The following PRKG2 variants were observed in gnomAD, a reference collection of about 807,000 sequenced individuals.
PRKG2 encodes cGMP-dependent protein kinase 2.
A neutral mutation model predicts 97.2 loss-of-function variants in PRKG2; 33 were observed. The ratio of observed to expected loss-of-function variants is 0.34; its 90% CI spans 0.26 to 0.45. The LOEUF is 0.45. Among genes scored for constraint, PRKG2 ranks in the 20% least tolerant of loss-of-function variants. The pLI is 1.00. For missense variants in PRKG2, 638 were observed against 900.0 expected, an observed-to-expected ratio of 0.71 and a Z score of 3.73; for synonymous variants, 330 against 321.8, an observed-to-expected ratio of 1.03 and a Z score of -0.27.
At chr4:81,160,813 G>A (rs964678712) in intron 6 of PRKG2, among the ~76,000 whole-genome samples, 1 of 152,020 alleles carries the variant, frequency 6.6e-6, no homozygotes, top group African/African-American at 2.4e-5. Flanking sequence ...TTCTTGAGGA[G>A]GGAAAAGTAA....
intron 6 of PRKG2, among the ~76,000 whole-genome samples, chr4:81,158,210 C>A (rs896072848): frequency 6.7e-6 from 1 of 148,330 alleles, no homozygotes; most frequent in African/African-American, 2.6e-5. Flanking sequence ...TCTCCTTAAG[C>A]TGATAAGCAA....
intron 8 of PRKG2, among the ~76,000 whole-genome samples, chr4:81,149,973 T>C (rs1748221328): frequency 6.6e-6 from 1 of 152,154 alleles, no homozygotes; most frequent in African/African-American, 2.4e-5. Context: ...TAACTCACTG[T>C]CCCTCCCAAG....
chr4:81,126,865 CTTAG>C lies in PRKG2; in HGVS notation c.1776+8286_1776+8289del, dbSNP rs577339272. Among the ~76,000 whole-genome samples, 295 of 152,188 alleles carry C rather than the reference CTTAG, an allele frequency of 1.9e-3. 2 individuals are homozygous for C. Among genetic ancestry groups the C allele is most frequent in the African/African-American group, 7.0e-3 (289 of 41,530 alleles). ...AGTTTGTTTTGCTGTGCAGAAGCTCCTTAGTTAAATTAGATCCCATTTGTCAATT... is the reference window on the plus strand; with the variant it reads ...AGTTTGTTTTGCTGTGCAGAAGCTCCTTAAATTAGATCCCATTTGTCAATT... On this transcript the variant is annotated intron_variant, in intron 14 of 18. Coordinates refer to ENST00000264399, the MANE Select transcript of PRKG2 (RefSeq NM_006259.3).
rs567659479 is a variant in PRKG2, at chr4:81,096,807, T to C, written c.2127-4355A>G. Among the ~76,000 whole-genome samples, 4 of 152,336 alleles carry C rather than the reference T, an allele frequency of 2.6e-5. No individual in the cohort carries two copies. The South Asian group carries it at 8.3e-4, about 32-fold the overall frequency. ...AATTCAAATTCTAGTTCTATTGATATTTCTAACACATCTGCATTTACTTTC... is the reference window on the plus strand; with the variant it reads ...AATTCAAATTCTAGTTCTATTGATACTTCTAACACATCTGCATTTACTTTC... On this transcript the variant is annotated intron_variant, in intron 17 of 18. Coordinates refer to ENST00000264399, the MANE Select transcript of PRKG2 (RefSeq NM_006259.3).
chr4:81,212,899 A>C (rs1754078049), intron 1 of PRKG2, among the ~76,000 whole-genome samples: 1 of 152,224 alleles, frequency 6.6e-6, no homozygotes, highest in Non-Finnish European at 1.5e-5. Flanking sequence ...GGAACACTGC[A>C]GGATAGCATC....
intron 17 of PRKG2, among the ~76,000 whole-genome samples, chr4:81,103,435 G>A (rs1743019411): frequency 6.6e-6 from 1 of 152,036 alleles, no homozygotes; most frequent in Non-Finnish European, 1.5e-5. Context: ...ATGGTTTGAG[G>A]TTCTGTGGAA....
intron 9 of PRKG2, among the ~76,000 whole-genome samples, chr4:81,144,701 G>A (rs551000842): frequency 6.6e-6 from 1 of 150,766 alleles, no homozygotes; most frequent in East Asian, 2.0e-4. Context: ...CTGGTGTGCT[G>A]CACCCATTAA....
chr4:81,105,065 A>G (rs1382972459), intron 16 of PRKG2, among the ~76,000 whole-genome samples: 2 of 152,160 alleles, frequency 1.3e-5, no homozygotes, highest in African/African-American at 4.8e-5. Flanking sequence ...TCAAAATAAC[A>G]AGATTATTAT....
chr4:81,117,791 C>T (rs963132608), intron 14 of PRKG2, among the ~76,000 whole-genome samples: 2 of 148,452 alleles, frequency 1.3e-5, no homozygotes, highest in South Asian at 2.2e-4. Flanking sequence ...CAACATCCCT[C>T]GCCAGAGAGA....
At chr4:81,194,371 C>T (rs188233198) in intron 2 of PRKG2, among the ~76,000 whole-genome samples, 1 of 151,606 alleles carries the variant, frequency 6.6e-6, no homozygotes, top group East Asian at 1.9e-4. Context: ...TTTTCTTCCC[C>T]ATCCCCAGAT....
chr4:81,160,219 A>C (rs11736177), intron 6 of PRKG2, among the ~76,000 whole-genome samples: 58,839 of 152,150 alleles, frequency 0.39, 17,328 homozygotes, highest in African/African-American at 0.81. Context: ...AATGAGTATT[A>C]CACACCTGTT....
At chr4:81,096,937 A>G (rs753869907) in intron 17 of PRKG2, among the ~76,000 whole-genome samples, 1 of 152,172 alleles carries the variant, frequency 6.6e-6, no homozygotes, top group Non-Finnish European at 1.5e-5. Context: ...ATAAATCACA[A>G]ATGTTTATAA....
intron 6 of PRKG2, among the ~76,000 whole-genome samples, chr4:81,163,219 G>C (rs1440886085): frequency 6.6e-6 from 1 of 152,134 alleles, no homozygotes; most frequent in Non-Finnish European, 1.5e-5. Flanking sequence ...AAAATATATA[G>C]TGGTAAGTAC....
intron 2 of PRKG2, 89 bp from the exon 3 acceptor site, chr4:81,175,048 T>C (rs532312499): frequency 1.4e-5 from 18 of 1,259,212 alleles, no homozygotes; most frequent in Non-Finnish European, 1.8e-5. Context: ...CTCAATAATA[T>C]TATCTACAAA....
intron 2 of PRKG2, among the ~76,000 whole-genome samples, chr4:81,197,465 A>G (rs748799776): frequency 7.2e-5 from 11 of 152,226 alleles, no homozygotes; most frequent in Non-Finnish European, 1.2e-4. Context: ...AATTAAAACA[A>G]TAGCAAGCGA....
chr4:81,194,919 T>C (rs1560620820), intron 2 of PRKG2, among the ~76,000 whole-genome samples: 1 of 120,066 alleles, frequency 8.3e-6, no homozygotes, highest in Non-Finnish European at 1.6e-5. Flanking sequence ...GAGCTTTTAA[T>C]ATACATATAT....
chr4:81,155,178 A>C, intron 6 of PRKG2, among the ~76,000 whole-genome samples: 1 of 99,460 alleles, frequency 1.0e-5, no homozygotes, highest in Non-Finnish European at 1.8e-5. Flanking sequence ...ACTCCGTCTC[A>C]AAAAAAAAAA....
At chr4:81,118,657 G>A (rs1163225721) in intron 14 of PRKG2, among the ~76,000 whole-genome samples, 1 of 151,978 alleles carries the variant, frequency 6.6e-6, no homozygotes. Context: ...GTTTTCTTAT[G>A]GTTTAAAGCA....
intron 2 of PRKG2, among the ~76,000 whole-genome samples, chr4:81,186,781 G>GATA (rs1339394365): frequency 5.9e-5 from 9 of 152,066 alleles, no homozygotes; most frequent in Non-Finnish European, 1.0e-4. Context: ...AATAACAAAC[G>GATA]ATAAAGGGGA....
Sources: gnomAD v4.1 joint callset for allele counts (sites outside exome capture counted in the v4.1 genomes callset) on GRCh38, gnomAD v4.1.1 for gene constraint, MANE v1.5 for transcripts, NCBI Gene and HGNC (gene_info 2026-07-23, HGNC 2026-07-21) for gene names.